Variants in SHROOM3 observed in about 807,000 individuals in gnomAD.
The protein encoded by SHROOM3 is shroom family member 3.
SHROOM3 carries 47 observed loss-of-function variants against 138.6 expected under a neutral mutation model. The observed-to-expected ratio is 0.34, with a 90% confidence interval of 0.27 to 0.43. SHROOM3 has a LOEUF of 0.43. Among genes scored for constraint, SHROOM3 ranks in the 20% least tolerant of loss-of-function variants. SHROOM3 has a pLI of 1.00. For missense variants in SHROOM3, 2,491 were observed against 2,596.5 expected (o/e 0.96, Z 0.88); for synonymous variants, 1,062 against 1,063.3 (o/e 1.00, Z 0.02).
At chr4:76,609,762 T>G in intron 2 of SHROOM3, among the ~76,000 whole-genome samples, 1 of 152,208 alleles carries the variant, frequency 6.6e-6, no homozygotes, top group East Asian at 1.9e-4. Flanking sequence ...CTTCCTAACA[T>G]TTACCTAAAT....
At chr4:76,668,020 G>A (rs554688332) in intron 2 of SHROOM3, among the ~76,000 whole-genome samples, 1 of 149,816 alleles carries the variant, frequency 6.7e-6, no homozygotes, top group African/African-American at 2.5e-5. Context: ...CGCAGGGTGC[G>A]GGGAGGGAGC....
intron 2 of SHROOM3, among the ~76,000 whole-genome samples, chr4:76,617,209 A>G (rs1734901265): frequency 6.6e-6 from 1 of 152,226 alleles, no homozygotes; most frequent in Non-Finnish European, 1.5e-5. Flanking sequence ...CAGTTTCATT[A>G]TCTGCAGAAA....
intron 1 of SHROOM3, among the ~76,000 whole-genome samples, chr4:76,543,793 A>G (rs998322764): frequency 3.9e-5 from 6 of 152,346 alleles, no homozygotes; most frequent in African/African-American, 1.2e-4. Flanking sequence ...GGCCCAGCCT[A>G]GAACTCAATG....
chr4:76,739,168 G>A lies in SHROOM3; in HGVS notation c.995G>A (p.Gly332Asp), dbSNP rs1721168677. 6.2e-7 allele frequency: 1 copy of A among 1,613,994 alleles called. No homozygotes were observed. Among genetic ancestry groups the A allele is most frequent in the Non-Finnish European group, 8.5e-7 (1 of 1,180,012 alleles). Reference protein sequence around the residue: ...EVNSSALLLQGREARASANGQ... With the variant: ...EVNSSALLLQDREARASANGQ... ...AACTCTTCAGCCCTGCTGCTTCAAG[G>A]TAGGGAGGCCCGAGCCTCAGCAAAT... Residue 332 changes from glycine (G) to aspartate (D), a missense_variant, in exon 5 of 11, where the codon GGT (glycine) becomes GAT (aspartate). Around this residue, in one of 4 missense-constraint regions of SHROOM3, gnomAD observed 1,733 missense variants for 1,661.6 expected, o/e 1.04. Coordinates refer to ENST00000296043, the MANE Select transcript of SHROOM3 (RefSeq NM_020859.4).
intron 9 of SHROOM3, among the ~76,000 whole-genome samples, chr4:76,761,363 A>C (rs887192631): frequency 2.0e-5 from 3 of 152,242 alleles, no homozygotes; most frequent in African/African-American, 7.2e-5. Flanking sequence ...TCCTCACGGG[A>C]AACAACATTA....
Position 76,535,928 on chromosome 4 carries a change from A to G in SHROOM3, c.169-19681A>G, listed in dbSNP as rs1469629056. The stretch of plus-strand genomic sequence containing the variant: ...GAGAAGAATAAGCCACAGGCGGAGG[A>G]AGAAATGCGGAGCTGATAATTGAAA... On this transcript the variant is annotated intron_variant, in intron 1 of 10. Coordinates refer to ENST00000296043, the MANE Select transcript of SHROOM3 (RefSeq NM_020859.4). 2.6e-5 allele frequency among the ~76,000 whole-genome samples: 4 copies of G among 152,320 alleles called. No individual in the cohort carries two copies. The East Asian group carries it at 5.8e-4, about 22-fold the overall frequency.
At chr4:76,566,620 A>T (rs1378769773) in intron 2 of SHROOM3, among the ~76,000 whole-genome samples, 1 of 152,202 alleles carries the variant, frequency 6.6e-6, no homozygotes, top group Non-Finnish European at 1.5e-5. Flanking sequence ...TATTTAATTT[A>T]ACTGCTCTAA....
At chr4:76,770,510 G>C (rs1425675619) in intron 9 of SHROOM3, 116 bp from the exon 10 acceptor site, 4 of 1,223,746 alleles carry the variant, frequency 3.3e-6, no homozygotes, top group Non-Finnish European at 4.7e-6. Flanking sequence ...ATATAGAGAA[G>C]GGGGAGGATA....
chr4:76,451,686 G>A (rs1169385441), intron 1 of SHROOM3, among the ~76,000 whole-genome samples: 1 of 152,280 alleles, frequency 6.6e-6, no homozygotes, highest in Non-Finnish European at 1.5e-5. Context: ...TTTACTGCAC[G>A]TAAGTCATGC....
chr4:76,739,096 A>C lies in SHROOM3; in HGVS notation c.923A>C (p.Lys308Thr). ...AGGCAGGCAGATATTCGCTATGTCA[A>C]GACAGTCTATGACACCCGGAGGGGA... ...GMRQADIRYV[K>T]TVYDTRRGVS... Residue 308 changes from lysine to threonine, a missense_variant, in exon 5 of 11, where the codon AAG (lysine) becomes ACG (threonine). This residue lies in a region of SHROOM3 where 1,733 missense variants were observed against 1,661.6 expected (regional missense o/e 1.04). Transcript: ENST00000296043. The C allele has an allele frequency of 6.2e-7, 1 of 1,614,234 alleles. No homozygotes were observed.
Position 76,741,999 on chromosome 4 carries a change from C to T in SHROOM3, c.3753+73C>T, listed in dbSNP as rs777695543. ...AGAAGCTTTAGTGGGGCTCCCCAAC[C>T]CCCCACACTCTCACCCGCTCTCCCA... On this transcript the variant is annotated intron_variant, in intron 5 of 10. Coordinates refer to ENST00000296043, the MANE Select transcript of SHROOM3 (RefSeq NM_020859.4). This position sits in a 1 kb window ranked among gnomAD's most constrained non-coding sequence, Gnocchi z 6.2. 14 of 1,544,906 alleles carry T rather than the reference C, an allele frequency of 9.1e-6. No individual in the cohort carries two copies. In the African/African-American group the frequency reaches 1.8e-4, roughly 19 times the overall value.
intron 1 of SHROOM3, among the ~76,000 whole-genome samples, chr4:76,464,533 A>C (rs1046059541): frequency 6.6e-6 from 1 of 152,144 alleles, no homozygotes; most frequent in African/African-American, 2.4e-5. Flanking sequence ...TTGGGAAGGC[A>C]TAATTATGTT....
chr4:76,603,827 C>CTT (rs1422419061), intron 2 of SHROOM3, among the ~76,000 whole-genome samples: 1 of 149,392 alleles, frequency 6.7e-6, no homozygotes, highest in African/African-American at 2.5e-5. Flanking sequence ...TGAGAACAAG[C>CTT]ATCTTGTATT....
At chr4:76,597,213 T>A (rs1734408851) in intron 2 of SHROOM3, among the ~76,000 whole-genome samples, 1 of 152,214 alleles carries the variant, frequency 6.6e-6, no homozygotes, top group Non-Finnish European at 1.5e-5. Flanking sequence ...GACAGGGAGT[T>A]TAAATCTGGT....
chr4:76,584,401 A>G (rs1356577215), intron 2 of SHROOM3, among the ~76,000 whole-genome samples: 3 of 152,202 alleles, frequency 2.0e-5, no homozygotes, highest in Non-Finnish European at 4.4e-5. Context: ...CAATATACAC[A>G]GTTCCCTGAG....
intron 9 of SHROOM3, among the ~76,000 whole-genome samples, chr4:76,769,255 T>TAC (rs34721202): frequency 2.5e-4 from 38 of 151,208 alleles, no homozygotes; most frequent in African/African-American, 8.5e-4. Context: ...TGTGTGTATA[T>TAC]ACACACACAC....
chr4:76,475,391 G>GA (rs1731465597), intron 1 of SHROOM3, among the ~76,000 whole-genome samples: 1 of 152,138 alleles, frequency 6.6e-6, no homozygotes, highest in East Asian at 1.9e-4. Context: ...TCTGAGAATT[G>GA]ACCTTACCAG....
chr4:76,712,405 A>G (rs955355425), intron 3 of SHROOM3, among the ~76,000 whole-genome samples: 4 of 152,244 alleles, frequency 2.6e-5, no homozygotes, highest in African/African-American at 9.6e-5. Flanking sequence ...GGTTAAGAAT[A>G]TCAGCAGTAG....
intron 1 of SHROOM3, among the ~76,000 whole-genome samples, chr4:76,538,877 A>G (rs1221993965): frequency 6.6e-6 from 1 of 152,142 alleles, no homozygotes; most frequent in Non-Finnish European, 1.5e-5. Flanking sequence ...ATTACCCACT[A>G]GTATAGTGGA....
Sources: allele counts gnomAD v4.1 joint callset (sites outside exome capture counted in the v4.1 genomes callset), GRCh38; gene constraint gnomAD v4.1.1; regional missense constraint gnomAD v4.1.1; non-coding constraint Gnocchi (gnomAD v3.1); transcripts MANE v1.5; gene names NCBI Gene and HGNC (gene_info 2026-07-23, HGNC 2026-07-21).